The following PEX7 variants were observed in gnomAD, a reference collection of about 807,000 sequenced individuals.
PEX7 encodes peroxisomal biogenesis factor 7.
Under a neutral mutation model 47.5 loss-of-function variants are expected in PEX7, and 34 were observed. The ratio of observed to expected loss-of-function variants is 0.72; its 90% CI spans 0.54 to 0.95. PEX7 has a LOEUF of 0.95. Among genes scored for constraint, PEX7 ranks in the 40% least tolerant of loss-of-function variants. The probability of loss-of-function intolerance (pLI) is 0.00; values close to 1 mark genes in which losing one functional copy is unlikely to be tolerated. For synonymous variants in PEX7, 141 were observed against 148.8 expected (o/e 0.95, Z 0.38); for missense variants, 394 against 400.3 (o/e 0.98, Z 0.13).
At chr6:136,890,747 A>G (rs939318091) in intron 8 of PEX7, among the ~76,000 whole-genome samples, 4 of 152,220 alleles carry the variant, frequency 2.6e-5, no homozygotes, top group Non-Finnish European at 5.9e-5. Flanking sequence ...ATAAATGACC[A>G]AAGCATAGGC....
intron 3 of PEX7, among the ~76,000 whole-genome samples, chr6:136,844,738 G>A (rs981152800): frequency 2.6e-5 from 4 of 151,984 alleles, no homozygotes; most frequent in Non-Finnish European, 5.9e-5. Context: ...TATAAGTGAC[G>A]GGATCAGTAT....
intron 9 of PEX7, among the ~76,000 whole-genome samples, chr6:136,902,809 ATT>A (rs1199372637): frequency 6.6e-6 from 1 of 152,128 alleles, no homozygotes; most frequent in Non-Finnish European, 1.5e-5. Flanking sequence ...TTAGTTTAGT[ATT>A]TATAAGCTGG....
intron 5 of PEX7, among the ~76,000 whole-genome samples, chr6:136,862,939 A>G (rs1431378150): frequency 6.6e-6 from 1 of 152,158 alleles, no homozygotes; most frequent in Admixed American, 6.5e-5. Flanking sequence ...AACACTGGAC[A>G]TCCACGTCAC....
rs548132657 is a variant in PEX7, at chr6:136,907,660, A to G, written c.904-5798A>G. Among the ~76,000 whole-genome samples the G allele has an allele frequency of 2.6e-5, 4 of 152,252 alleles. No individual in the cohort carries two copies. The East Asian group carries it at 7.7e-4, about 29-fold the overall frequency. On this transcript the variant is annotated intron_variant, in intron 9 of 9. Coordinates refer to ENST00000318471, the MANE Select transcript of PEX7 (RefSeq NM_000288.4). Reference sequence around the variant, plus strand: ...TATAATGATAAATAGGAAATGGAAAACTTCTTAATAAAGTAAAGCTCCTAA... The same window carrying G: ...TATAATGATAAATAGGAAATGGAAAGCTTCTTAATAAAGTAAAGCTCCTAA...
rs1775729405 is a variant in PEX7 at position 136,900,170 on chromosome 6, T to G, written c.903+1929T>G. On this transcript the variant is annotated intron_variant, in intron 9 of 9. Transcript: ENST00000318471. The surrounding 1 kb of genome is among the most constrained non-coding windows in gnomAD (Gnocchi z 4.2). Reference sequence around the variant, plus strand: ...ATCCTCCACACATAGTAGGCCTACCTTATTAAAAGCAACTTTGTGATGAGA... The same window carrying G: ...ATCCTCCACACATAGTAGGCCTACCGTATTAAAAGCAACTTTGTGATGAGA... 6.3e-6 allele frequency: 1 copy of G among 157,948 alleles called. No individual in the cohort carries two copies. The highest frequency in any genetic ancestry group is 6.5e-5 in the Admixed American group (1 of 15,464). 9.8% of individuals were successfully genotyped at this position (157,948 alleles called of 1,614,324 possible).
intron 8 of PEX7, among the ~76,000 whole-genome samples, chr6:136,891,590 A>G (rs1379945514): frequency 6.6e-6 from 1 of 152,026 alleles, no homozygotes; most frequent in African/African-American, 2.4e-5. Context: ...AATGAATGTT[A>G]CCATCAGTAA....
At chr6:136,909,219 T>A (rs1347564456) in intron 9 of PEX7, among the ~76,000 whole-genome samples, 4 of 152,238 alleles carry the variant, frequency 2.6e-5, no homozygotes, top group African/African-American at 9.6e-5. Flanking sequence ...ATCTTTTAGA[T>A]AGCTTTGTAA....
At chr6:136,902,342 GTTC>G (rs1360616191) in intron 9 of PEX7, among the ~76,000 whole-genome samples, 9 of 152,142 alleles carry the variant, frequency 5.9e-5, no homozygotes, top group Non-Finnish European at 1.3e-4. Context: ...ATTTATCTGA[GTTC>G]TTCTGTGTAT....
At chr6:136,845,474 T>G in intron 3 of PEX7, 141 bp from the exon 4 acceptor site, 2 of 705,338 alleles carry the variant, frequency 2.8e-6, no homozygotes, top group South Asian at 3.0e-5. Flanking sequence ...CTCAGACACC[T>G]TGTTGAGATG....
chr6:136,844,896 C>G (rs1774567901), intron 3 of PEX7, among the ~76,000 whole-genome samples: 1 of 152,202 alleles, frequency 6.6e-6, no homozygotes, highest in Non-Finnish European at 1.5e-5. Flanking sequence ...TCAAAGTAAC[C>G]TGCTGGCTGA....
At chr6:136,870,084 G>T in intron 7 of PEX7, 81 bp downstream of exon 7, 1 of 891,432 alleles carries the variant, frequency 1.1e-6, no homozygotes, top group South Asian at 1.7e-5. Context: ...AAAGTGTTCT[G>T]GGTTTAGGGA....
intron 8 of PEX7, among the ~76,000 whole-genome samples, chr6:136,893,921 C>T (rs756784838): frequency 6.0e-4 from 92 of 152,290 alleles, no homozygotes; most frequent in Middle Eastern, 6.8e-3. Context: ...CTGAATTCAC[C>T]TGTTGGCTAA....
chr6:136,824,922 A>AC (rs1166552928), intron 1 of PEX7, among the ~76,000 whole-genome samples: 1 of 151,840 alleles, frequency 6.6e-6, no homozygotes, highest in Non-Finnish European at 1.5e-5. Context: ...TAAGTATTTC[A>AC]CCCCCCTGTT....
In PEX7 at chr6:136,872,215, T is replaced by C; in HGVS notation, c.765T>C (p.Ala255=). ...IRRVKFSPFH[A]SVLASCSYDF... is the part of the protein sequence containing the mutation. The stretch of plus-strand genomic sequence containing the variant: ...TTTTGTAGTTTTCACCATTTCATGC[T>C]TCTGTGCTGGCCTCTTGCTCGTATG... Residue 255 remains alanine, a synonymous_variant, in exon 8 of 10, where the codon GCT becomes GCC. Coordinates refer to ENST00000318471, the MANE Select transcript of PEX7 (RefSeq NM_000288.4). 6.2e-7 allele frequency: 1 copy of C among 1,610,132 alleles called. No individual in the cohort carries two copies. Among genetic ancestry groups the C allele is most frequent in the Non-Finnish European group, 8.5e-7 (1 of 1,179,400 alleles).
rs747545013 is a variant in PEX7 at position 136,846,055 on chromosome 6, C to G, written c.418-18C>G. The G allele has an allele frequency of 2.7e-5, 39 of 1,442,914 alleles. No homozygotes were observed. Among genetic ancestry groups the G allele is most frequent in the African/African-American group, 1.8e-4 (13 of 71,574 alleles). The allele number at this position is 1,442,914 out of a possible 1,614,324, so 89.4% of individuals were successfully genotyped here. The stretch of plus-strand genomic sequence containing the variant: ...TGAATTTATCCCTCAAGTAATTGAT[C>G]TATTCATTTATTTGTAGTGGGATCC... On this transcript the variant is annotated intron_variant, in intron 4 of 9. Coordinates refer to ENST00000318471, the MANE Select transcript of PEX7 (RefSeq NM_000288.4).
intron 9 of PEX7, among the ~76,000 whole-genome samples, chr6:136,907,389 G>A (rs1167411850): frequency 2.6e-5 from 4 of 152,064 alleles, no homozygotes; most frequent in Non-Finnish European, 5.9e-5. Flanking sequence ...TTGTAAGCTG[G>A]TTGAGTAAGT....
intron 9 of PEX7, among the ~76,000 whole-genome samples, chr6:136,902,559 A>C (rs1191315820): frequency 2.0e-5 from 3 of 152,298 alleles, no homozygotes; most frequent in African/African-American, 7.2e-5. Flanking sequence ...AACCAGGCTG[A>C]AGGCATCGTT....
intron 8 of PEX7, among the ~76,000 whole-genome samples, chr6:136,895,967 G>A (rs1181648097): frequency 6.6e-6 from 1 of 152,174 alleles, no homozygotes; most frequent in Non-Finnish European, 1.5e-5. Flanking sequence ...GTATATTAGA[G>A]CAAATTCAGG....
At chr6:136,884,084 C>G (rs1312824128) in intron 8 of PEX7, among the ~76,000 whole-genome samples, 1 of 152,074 alleles carries the variant, frequency 6.6e-6, no homozygotes, top group Non-Finnish European at 1.5e-5. Context: ...GAAAAGGAAG[C>G]CAAAATCATT....
Sources: allele counts gnomAD v4.1 joint callset (sites outside exome capture counted in the v4.1 genomes callset), GRCh38; gene constraint gnomAD v4.1.1; non-coding constraint Gnocchi (gnomAD v3.1); transcripts MANE v1.5; gene names NCBI Gene and HGNC (gene_info 2026-07-23, HGNC 2026-07-21).